Variants in PPP2R3B observed in about 807,000 individuals in gnomAD.
PPP2R3B encodes the protein serine/threonine-protein phosphatase 2A regulatory subunit B'' subunit beta.
Under a neutral mutation model 72.9 loss-of-function variants are expected in PPP2R3B, and 68 were observed. That is an observed-to-expected ratio of 0.93 (90% CI 0.77 to 1.14). The LOEUF (loss-of-function observed/expected upper bound fraction) is 1.14, where lower values mean the gene tolerates loss of function less well. Ranked by LOEUF, PPP2R3B falls within the 50% of genes most tolerant of loss-of-function variation. The pLI is 0.00. For missense variants in PPP2R3B, 1,018 were observed against 842.0 expected, an observed-to-expected ratio of 1.21 and a Z score of -2.59; for synonymous variants, 466 against 375.8, an observed-to-expected ratio of 1.24 and a Z score of -2.78.
intron 1 of PPP2R3B, among the ~76,000 whole-genome samples, chrX:364,543 A>C (rs1318232129): frequency 2.0e-5 from 3 of 151,680 alleles, no homozygotes; most frequent in Non-Finnish European, 4.4e-5. Context: ...AACAGAAAAC[A>C]AAAAACAAAA....
chrX:348,927 G>A (rs887598152), intron 2 of PPP2R3B, among the ~76,000 whole-genome samples: 21 of 152,270 alleles, frequency 1.4e-4, no homozygotes, highest in African/African-American at 2.2e-4. Flanking sequence ...CAGCCTGGAC[G>A]CGGTCAGGGA....
intron 1 of PPP2R3B, among the ~76,000 whole-genome samples, chrX:363,460 C>A (rs1264672390): frequency 1.8e-3 from 4 of 2,192 alleles, no homozygotes; most frequent in African/African-American, 3.7e-3. Flanking sequence ...CCGAGCCCAC[C>A]ATCCCACAAT....
chrX:357,546 G>T (rs1267121494), intron 2 of PPP2R3B, among the ~76,000 whole-genome samples: 1 of 152,164 alleles, frequency 6.6e-6, no homozygotes, highest in Non-Finnish European at 1.5e-5. Flanking sequence ...GGAAATAAAT[G>T]ATTCTGTCAA....
At position 371,312 on chromosome X, in the gene PPP2R3B, C is replaced by T. The variant is rs529264820; in HGVS notation, c.325-9722G>A. On this transcript the variant is annotated intron_variant, in intron 1 of 12. Transcript: ENST00000390665. ...GTACGTGTAACACGCCATCGTCACA[C>T]GGGAGCCTCCCCGGACCCACGGCGT... Among the ~76,000 whole-genome samples the T allele has an allele frequency of 8.9e-4, 135 of 152,294 alleles. 1 individual carries two copies. The highest frequency in any genetic ancestry group is 3.0e-3 in the African/African-American group (124 of 41,568).
intron 1 of PPP2R3B, among the ~76,000 whole-genome samples, chrX:372,696 C>G (rs2071892337): frequency 6.6e-6 from 1 of 152,190 alleles, no homozygotes; most frequent in South Asian, 2.1e-4. Context: ...TGGAGGCTCA[C>G]GCCCCTACTC....
At chrX:362,680 T>C (rs6645210) in intron 1 of PPP2R3B, among the ~76,000 whole-genome samples, 88,414 of 151,788 alleles carry the variant, frequency 0.58, 25,981 homozygotes, top group Admixed American at 0.63. Context: ...GAAGTCCGCA[T>C]ACCAGTGGAC....
At chrX:361,143 G>T (rs2071529685) in intron 2 of PPP2R3B, among the ~76,000 whole-genome samples, 1 of 152,238 alleles carries the variant, frequency 6.6e-6, no homozygotes, top group African/African-American at 2.4e-5. Context: ...ACAGCATCAG[G>T]ATGAGAATGC....
intron 2 of PPP2R3B, 51 bp downstream of exon 2, chrX:361,354 C>T (rs748552423): frequency 1.5e-4 from 237 of 1,601,678 alleles, no homozygotes; most frequent in Non-Finnish European, 1.9e-4. Flanking sequence ...CTCACCCTCA[C>T]ATGCCCGCAG....
intron 1 of PPP2R3B, among the ~76,000 whole-genome samples, chrX:369,314 C>T (rs1459955331): frequency 6.6e-6 from 1 of 152,140 alleles, no homozygotes; most frequent in Non-Finnish European, 1.5e-5. Flanking sequence ...CTCCTCAGTA[C>T]GTGTACTTTA....
At chrX:341,733 T>G in intron 8 of PPP2R3B, 150 bp downstream of exon 8, 1 of 873,208 alleles carries the variant, frequency 1.1e-6, no homozygotes, top group Non-Finnish European at 1.9e-6. Flanking sequence ...GGGATTCACG[T>G]GACAGAGACA....
intron 12 of PPP2R3B, chrX:338,241 G>T (rs1354830847): frequency 4.7e-6 from 2 of 422,700 alleles, no homozygotes; most frequent in South Asian, 2.8e-5. Context: ...AGGCTGGAAT[G>T]GCCACGGGCC....
chrX:350,735 C>T (rs932476761), intron 2 of PPP2R3B, among the ~76,000 whole-genome samples: 1 of 152,238 alleles, frequency 6.6e-6, no homozygotes, highest in African/African-American at 2.4e-5. Context: ...GCTGGGTGTC[C>T]TCCGCGTTGC....
At chrX:355,783 CAGAA>C (rs889548358) in intron 2 of PPP2R3B, among the ~76,000 whole-genome samples, 6 of 152,140 alleles carry the variant, frequency 3.9e-5, no homozygotes, top group Non-Finnish European at 8.8e-5. Flanking sequence ...TCTATATTGA[CAGAA>C]AGGAGGCCTG....
intron 7 of PPP2R3B, chrX:342,211 G>C (rs185794153): frequency 8.6e-6 from 5 of 584,162 alleles, no homozygotes; most frequent in South Asian, 2.0e-5. Flanking sequence ...GGCCTCAAAG[G>C]TACAGCTTTC....
At chrX:353,070 T>C (rs950691470) in intron 2 of PPP2R3B, among the ~76,000 whole-genome samples, 5 of 151,916 alleles carry the variant, frequency 3.3e-5, no homozygotes, top group African/African-American at 1.2e-4. Flanking sequence ...TGAGATCCGA[T>C]GGTCTAAAAG....
intron 2 of PPP2R3B, among the ~76,000 whole-genome samples, chrX:354,245 AC>A (rs2071396808): frequency 1.9e-5 from 1 of 53,662 alleles, no homozygotes; most frequent in African/African-American, 8.9e-5. Context: ...TCACCCAAAC[AC>A]TGGGGGCTCA....
In PPP2R3B at chrX:386,499, C is replaced by A. The variant is rs750345454; in HGVS notation, c.193G>T (p.Ala65Ser). Residue 65 changes from alanine to serine, a missense_variant, in exon 1 of 13, where the codon GCC becomes TCC. Coordinates refer to ENST00000390665, the MANE Select transcript of PPP2R3B (RefSeq NM_013239.5). ...PGAWPTAPLA[A>S]PRPSGLEPPG... ...GGTTCGAGCCCGCTGGGCCGGGGGG[C>A]GGCGAGCGGGGCTGTGGGCCAGGCC... 4.6e-6 allele frequency: 6 copies of A among 1,292,860 alleles called. No individual in the cohort carries two copies. In the Admixed American group the frequency reaches 1.2e-4, roughly 27 times the overall value. The allele number at this position is 1,292,860 out of a possible 1,614,324, so 80.1% of individuals were successfully genotyped here. A position where few individuals can be genotyped will look rare whatever the true frequency, so the allele number is the denominator to read the frequency against.
chrX:334,550 C>T (rs1304109073), intron 12 of PPP2R3B, 33 bp from the exon 13 acceptor site: 10 of 1,471,126 alleles, frequency 6.8e-6, no homozygotes, highest in South Asian at 2.7e-5. Flanking sequence ...ACGTGGCCAG[C>T]AGCGCGGAGC....
intron 1 of PPP2R3B, among the ~76,000 whole-genome samples, chrX:380,303 A>C (rs1409692218): frequency 6.6e-6 from 1 of 152,192 alleles, no homozygotes; most frequent in Admixed American, 6.5e-5. Flanking sequence ...TGCACACACC[A>C]CATTGTCTTA....
Sources: gnomAD v4.1 joint callset for allele counts (sites outside exome capture counted in the v4.1 genomes callset) on GRCh38, gnomAD v4.1.1 for gene constraint, MANE v1.5 for transcripts, NCBI Gene and HGNC (gene_info 2026-07-23, HGNC 2026-07-21) for gene names.